The following WDFY3 variants were observed in gnomAD, a reference collection of about 807,000 sequenced individuals.
The protein encoded by WDFY3 is WD repeat and FYVE domain-containing protein 3.
A neutral mutation model predicts 409.6 loss-of-function variants in WDFY3; 66 were observed. The observed-to-expected ratio is 0.16, with a 90% CI of 0.13 to 0.20. The LOEUF is 0.20. Ranked by LOEUF, WDFY3 falls within the 10% of genes least tolerant of loss-of-function variation. The pLI is 1.00. For missense variants in WDFY3, 3,031 were observed against 4,298.1 expected (o/e 0.71, Z 8.24); for synonymous variants, 1,521 against 1,537.1 (o/e 0.99, Z 0.25).
At chr4:84,743,892 T>A in intron 36 of WDFY3, 93 bp from the exon 37 acceptor site, 1 of 737,392 alleles carries the variant, frequency 1.4e-6, no homozygotes, top group Non-Finnish European at 1.9e-6. Flanking sequence ...TTAAAAAGAT[T>A]AAAAAATTCT....
At chr4:84,744,237 G>T (rs1738956258) in intron 36 of WDFY3, among the ~76,000 whole-genome samples, 1 of 151,142 alleles carries the variant, frequency 6.6e-6, no homozygotes, top group African/African-American at 2.4e-5. Flanking sequence ...AGATATGGTG[G>T]TTTACAATGA....
At chr4:84,912,214 T>C (rs1767888561) in intron 2 of WDFY3, among the ~76,000 whole-genome samples, 1 of 152,166 alleles carries the variant, frequency 6.6e-6, no homozygotes, top group African/African-American at 2.4e-5. Context: ...AGAAAAGTCA[T>C]GACATAACAA....
At chr4:84,858,486 T>C (rs915649114) in intron 4 of WDFY3, among the ~76,000 whole-genome samples, 3 of 152,218 alleles carry the variant, frequency 2.0e-5, no homozygotes, top group Admixed American at 6.5e-5. Flanking sequence ...GTGATATTAA[T>C]AGCACAACAT....
chr4:84,822,533 G>A (rs1754225773), intron 10 of WDFY3, among the ~76,000 whole-genome samples: 1 of 151,818 alleles, frequency 6.6e-6, no homozygotes, highest in African/African-American at 2.4e-5. Flanking sequence ...ATTTCTACAA[G>A]AGATTTAAAA....
In WDFY3 at chr4:84,774,900, T is replaced by C. The variant is rs1745285716; in HGVS notation, c.4674A>G (p.Leu1558=). 1 of 1,614,032 alleles carries C rather than the reference T, an allele frequency of 6.2e-7. No individual in the cohort carries two copies. The change falls in exon 29 of 68, where the codon TTA becomes TTG. Residue 1558 remains leucine (L), a synonymous_variant. Transcript: ENST00000295888. ...KLLLTLRDMS[L]SQPTIAAISN... is the part of the protein sequence containing the mutation. ...TAATAGCAGCAATAGTAGGCTGGGA[T>C]AAAGACATATCTCGAAGAGTCAGGA...
chr4:84,844,751 G>A (rs764916111), intron 5 of WDFY3, among the ~76,000 whole-genome samples: 19 of 152,200 alleles, frequency 1.2e-4, no homozygotes, highest in Non-Finnish European at 1.8e-4. Flanking sequence ...AATTGACCAT[G>A]TGCCCTTAAA....
Position 84,847,570 on chromosome 4 carries a change from T to C in WDFY3, c.304+2332A>G, listed in dbSNP as rs531194909. The stretch of plus-strand genomic sequence containing the variant: ...TCATGAGGTCAGGAGATAGAGACCA[T>C]CCTGGCTAACACAGTGAAACCCCGT... On this transcript the variant is annotated intron_variant, in intron 5 of 67. Transcript: ENST00000295888. Among the ~76,000 whole-genome samples the C allele has an allele frequency of 5.9e-5, 8 of 135,044 alleles. No individual in the cohort carries two copies. The East Asian group carries it at 1.5e-3, about 25-fold the overall frequency. 88.6% of individuals were successfully genotyped at this position (135,044 alleles called of 152,430 possible). A position where few individuals can be genotyped will look rare whatever the true frequency, so the allele number is the denominator to read the frequency against.
At chr4:84,688,890 C>A (rs1728779629) in intron 61 of WDFY3, among the ~76,000 whole-genome samples, 1 of 152,126 alleles carries the variant, frequency 6.6e-6, no homozygotes, top group Non-Finnish European at 1.5e-5. Context: ...AAAAGAACTT[C>A]CCTCTTTTGC....
chr4:84,737,381 A>C lies in WDFY3; in HGVS notation c.6575-15T>G. 6 of 1,532,762 alleles carry C rather than the reference A, an allele frequency of 3.9e-6. No individual in the cohort carries two copies. Among genetic ancestry groups the C allele is most frequent in the Non-Finnish European group, 5.2e-6 (6 of 1,143,252 alleles). 94.9% of individuals were successfully genotyped at this position (1,532,762 alleles called of 1,614,324 possible). On this transcript the variant is annotated splice_polypyrimidine_tract_variant and intron_variant, in intron 40 of 67. Coordinates refer to ENST00000295888, the MANE Select transcript of WDFY3 (RefSeq NM_014991.6). ...AAGCTGACGCCCTAGTAAACAAACA[A>C]ACAAACAAACAAAAAAGTAAGCAAA...
chr4:84,740,218 C>A lies in WDFY3; in HGVS notation c.6433G>T (p.Ala2145Ser). The A allele has an allele frequency of 6.2e-7, 1 of 1,614,002 alleles. No individual in the cohort carries two copies. Among genetic ancestry groups the A allele is most frequent in the Middle Eastern group, 1.6e-4 (1 of 6,062 alleles). Reference protein sequence around the residue: ...NHDQEFISCLAHCLINLHVGS... With the variant: ...NHDQEFISCLSHCLINLHVGS... ...ACATGTAGATTTATCAAGCAGTGGG[C>A]CAGACAGCTAATGAATTCTTGGTCA... Residue 2145 changes from alanine to serine, a missense_variant, in exon 39 of 68, where the codon GCC becomes TCC. Transcript: ENST00000295888.
chr4:84,770,249 C>T (rs931131803), intron 30 of WDFY3, among the ~76,000 whole-genome samples: 5 of 151,934 alleles, frequency 3.3e-5, no homozygotes, highest in South Asian at 2.1e-4. Context: ...AGGATGGTCT[C>T]GAACTCCTGA....
intron 2 of WDFY3, among the ~76,000 whole-genome samples, chr4:84,909,417 CA>C (rs1237299781): frequency 6.6e-6 from 1 of 151,472 alleles, no homozygotes; most frequent in Non-Finnish European, 1.5e-5. Flanking sequence ...AGAAAGGGCA[CA>C]AATGTACTAC....
intron 13 of WDFY3, among the ~76,000 whole-genome samples, chr4:84,814,882 G>A (rs1366457179): frequency 6.6e-6 from 1 of 151,962 alleles, no homozygotes; most frequent in Non-Finnish European, 1.5e-5. Context: ...GCATTTCTGG[G>A]GGGTCTTAGA....
chr4:84,943,499 G>A (rs539959725), intron 1 of WDFY3, among the ~76,000 whole-genome samples: 10 of 151,488 alleles, frequency 6.6e-5, no homozygotes, highest in Admixed American at 3.9e-4. Flanking sequence ...GCAAGACTCC[G>A]TCTCAGAAAA....
chr4:84,832,659 G>A (rs537191995), intron 7 of WDFY3, among the ~76,000 whole-genome samples: 9 of 152,160 alleles, frequency 5.9e-5, no homozygotes, highest in South Asian at 2.1e-4. Context: ...TTTAAAAACC[G>A]TAAGAGTGTA....
intron 45 of WDFY3, among the ~76,000 whole-genome samples, chr4:84,726,362 C>A (rs566828559): frequency 6.6e-6 from 1 of 152,096 alleles, no homozygotes; most frequent in East Asian, 1.9e-4. Flanking sequence ...ATTAACTTTT[C>A]TACTAATTAA....
At chr4:84,941,637 T>C (rs780009578) in intron 1 of WDFY3, among the ~76,000 whole-genome samples, 3 of 151,936 alleles carry the variant, frequency 2.0e-5, no homozygotes, top group Non-Finnish European at 2.9e-5. Context: ...GCAATCCCAA[T>C]CAAAATTAGA....
At chr4:84,927,163 A>G (rs574263478) in intron 2 of WDFY3, among the ~76,000 whole-genome samples, 1 of 152,336 alleles carries the variant, frequency 6.6e-6, no homozygotes, top group East Asian at 1.9e-4. Context: ...TTATAAAAAT[A>G]AACCACTTGT....
intron 18 of WDFY3, among the ~76,000 whole-genome samples, 156 bp downstream of exon 18, chr4:84,797,840 G>T (rs1749770848): frequency 6.6e-6 from 1 of 151,994 alleles, no homozygotes; most frequent in Admixed American, 6.6e-5. Context: ...CAAAGTGCTG[G>T]GATTACAGGC....
Sources: gnomAD v4.1 joint callset for allele counts (sites outside exome capture counted in the v4.1 genomes callset) on GRCh38, gnomAD v4.1.1 for gene constraint, MANE v1.5 for transcripts, NCBI Gene and HGNC (gene_info 2026-07-23, HGNC 2026-07-21) for gene names.